Variants in HMGCLL1 observed in about 807,000 individuals in gnomAD.
HMGCLL1 encodes the protein 3-hydroxy-3-methylglutaryl-CoA lyase like 1.
HMGCLL1 carries 36 observed loss-of-function variants against 39.1 expected under a neutral mutation model. The ratio of observed to expected loss-of-function variants is 0.92; its 90% CI spans 0.71 to 1.22. The LOEUF is 1.22. Among genes scored for constraint, HMGCLL1 ranks in the 50% most tolerant of loss-of-function variants. The probability of loss-of-function intolerance (pLI) is 0.00; values close to 1 mark genes in which losing one functional copy is unlikely to be tolerated. For synonymous variants in HMGCLL1, 149 were observed against 144.0 expected, an observed-to-expected ratio of 1.03 and a Z score of -0.25; for missense variants, 451 against 416.5, an observed-to-expected ratio of 1.08 and a Z score of -0.72.
chr6:55,439,735 T>A, intron 7 of HMGCLL1, 176 bp from the exon 8 acceptor site: 1 of 488,574 alleles, frequency 2.0e-6, no homozygotes, highest in African/African-American at 1.9e-5. Context: ...CTTTTATGTC[T>A]AATCTCGTCT....
chr6:55,511,057 A>G (rs961337292), intron 5 of HMGCLL1, among the ~76,000 whole-genome samples: 6 of 151,948 alleles, frequency 3.9e-5, no homozygotes, highest in African/African-American at 1.4e-4. Context: ...CAATTTTAAA[A>G]GGATCCTGGC....
chr6:55,507,352 G>A (rs889132817), intron 5 of HMGCLL1, among the ~76,000 whole-genome samples: 4 of 151,620 alleles, frequency 2.6e-5, no homozygotes, highest in African/African-American at 9.7e-5. Flanking sequence ...AGACAAGGGG[G>A]ACTACTCTAA....
At chr6:55,627,546 CA>C in the HMGCLL1 span, among the ~76,000 whole-genome samples, 2 of 151,858 alleles carry the variant, frequency 1.3e-5, no homozygotes, top group South Asian at 4.2e-4. Context: ...TTGAAGGATA[CA>C]AAGTATTAAT....
At chr6:55,522,878 G>T (rs926481633) in intron 3 of HMGCLL1, among the ~76,000 whole-genome samples, 1 of 151,862 alleles carries the variant, frequency 6.6e-6, no homozygotes, top group Non-Finnish European at 1.5e-5. Context: ...TGTGTGATGG[G>T]GTGGAAATAT....
At chr6:55,649,925 G>A in the HMGCLL1 span, among the ~76,000 whole-genome samples, 1 of 150,314 alleles carries the variant, frequency 6.7e-6, no homozygotes, top group Non-Finnish European at 1.5e-5. Context: ...TAGAATTTCT[G>A]CTTGATTGTT....
At chr6:55,633,465 C>T in the HMGCLL1 span, among the ~76,000 whole-genome samples, 1 of 150,940 alleles carries the variant, frequency 6.6e-6, no homozygotes, top group Non-Finnish European at 1.5e-5. Flanking sequence ...GAATAGTGTG[C>T]TCATGGAATA....
At chr6:55,571,444 C>T (rs1327206190) in intron 1 of HMGCLL1, among the ~76,000 whole-genome samples, 5 of 152,068 alleles carry the variant, frequency 3.3e-5, no homozygotes, top group Non-Finnish European at 5.9e-5. Flanking sequence ...CATAAACAGC[C>T]TTAAAAATAG....
the HMGCLL1 span, among the ~76,000 whole-genome samples, chr6:55,649,943 A>G: frequency 6.7e-6 from 1 of 149,416 alleles, no homozygotes; most frequent in Non-Finnish European, 1.5e-5. Flanking sequence ...GTTTTTAATT[A>G]CTTCAATCTC....
At chr6:55,532,343 T>C (rs1209747340) in intron 3 of HMGCLL1, among the ~76,000 whole-genome samples, 1 of 152,170 alleles carries the variant, frequency 6.6e-6, no homozygotes, top group African/African-American at 2.4e-5. Context: ...TTGCTGACAT[T>C]ATTGCTTTCA....
At chr6:55,612,741 T>A in the HMGCLL1 span, among the ~76,000 whole-genome samples, 1 of 152,140 alleles carries the variant, frequency 6.6e-6, no homozygotes. Flanking sequence ...GAAAACTGGC[T>A]AGCCATATGC....
the HMGCLL1 span, among the ~76,000 whole-genome samples, chr6:55,599,730 C>T: frequency 6.6e-6 from 1 of 152,166 alleles, no homozygotes; most frequent in Admixed American, 6.6e-5. Context: ...TTGGTTCATA[C>T]ACAATTTTTC....
At position 55,514,103 on chromosome 6, in the gene HMGCLL1, C is replaced by T; in HGVS notation, c.487G>A (p.Gly163Arg). 1 of 1,612,884 alleles carries T rather than the reference C, an allele frequency of 6.2e-7. No individual in the cohort carries two copies. Among genetic ancestry groups the T allele is most frequent in the Non-Finnish European group, 8.5e-7 (1 of 1,179,414 alleles). ...GACTTAACAACCTCCTCAAATTTTC[C>T]CATACTTTCTTCAATGGAACAGTTA... ...NINCSIEESMGKFEEVVKSAR... is the reference protein window; with the variant it reads ...NINCSIEESMRKFEEVVKSAR... Residue 163 changes from glycine (G) to arginine (R), a missense_variant, in exon 5 of 9, where the codon GGA becomes AGA. Physicochemically the swap from Gly to Arg is moderately radical, Grantham distance 125. Coordinates refer to ENST00000274901, the MANE Select transcript of HMGCLL1 (RefSeq NM_001042406.2).
At chr6:55,609,792 C>T in the HMGCLL1 span, among the ~76,000 whole-genome samples, 1 of 152,062 alleles carries the variant, frequency 6.6e-6, no homozygotes, top group African/African-American at 2.4e-5. Context: ...CATGTCGGTG[C>T]CCCTTGAGGT....
intron 7 of HMGCLL1, among the ~76,000 whole-genome samples, chr6:55,472,815 G>A (rs898345742): frequency 6.6e-6 from 1 of 151,320 alleles, no homozygotes; most frequent in Non-Finnish European, 1.5e-5. Flanking sequence ...TTGATTATCT[G>A]TCTGCTTGAT....
intron 5 of HMGCLL1, among the ~76,000 whole-genome samples, chr6:55,509,663 C>G (rs1287050308): frequency 6.6e-6 from 1 of 151,668 alleles, no homozygotes; most frequent in African/African-American, 2.4e-5. Context: ...ATTGCCATTT[C>G]AAAGGATGAG....
chr6:55,595,162 G>T, the HMGCLL1 span, among the ~76,000 whole-genome samples: 10 of 152,134 alleles, frequency 6.6e-5, no homozygotes, highest in Admixed American at 6.5e-5. Context: ...CTGACCACGT[G>T]AAAATCACAC....
intron 3 of HMGCLL1, among the ~76,000 whole-genome samples, chr6:55,538,882 A>T (rs1651747876): frequency 6.6e-6 from 1 of 152,132 alleles, no homozygotes. Context: ...AATGGGATAG[A>T]GAAAATTAGT....
At chr6:55,513,276 A>G (rs1006508878) in intron 5 of HMGCLL1, 11 of 152,094 alleles carry the variant, frequency 7.2e-5, no homozygotes, top group African/African-American at 2.7e-4. Flanking sequence ...AGGTTTGTGG[A>G]TCTTGGGTCA....
chr6:55,654,747 C>A, the HMGCLL1 span, among the ~76,000 whole-genome samples: 1 of 151,882 alleles, frequency 6.6e-6, no homozygotes, highest in Non-Finnish European at 1.5e-5. Flanking sequence ...TATTGGTCAT[C>A]ACAACTCCTC....
Sources: gnomAD v4.1 joint callset for allele counts (sites outside exome capture counted in the v4.1 genomes callset) on GRCh38, gnomAD v4.1.1 for gene constraint, MANE v1.5 for transcripts, NCBI Gene and HGNC (gene_info 2026-07-23, HGNC 2026-07-21) for gene names.